PCARE: variants seen among roughly 807,000 people sequenced by gnomAD.
The protein encoded by PCARE is photoreceptor cilium actin regulator, also known as uncharacterized protein C2orf71.
Under a neutral mutation model 82.2 loss-of-function variants are expected in PCARE, and 72 were observed. The ratio of observed to expected loss-of-function variants is 0.88; its 90% CI spans 0.72 to 1.07. PCARE has a LOEUF of 1.07. Among genes scored for constraint, PCARE ranks in the 50% least tolerant of loss-of-function variants. PCARE has a pLI of 0.00. For synonymous variants in PCARE, 705 were observed against 634.8 expected (o/e 1.11, Z -1.66); for missense variants, 1,768 against 1,592.4 (o/e 1.11, Z -1.88).
chr2:29,063,484 G>A lies in PCARE; in HGVS notation c.*1385C>T, dbSNP rs1357470212. Reference sequence around the variant, plus strand: ...AGAGTCATAGCCTCTCTCTGGGGGAGGTTGCTATAGTCCCTAGGGACCCAG... The same window carrying A: ...AGAGTCATAGCCTCTCTCTGGGGGAAGTTGCTATAGTCCCTAGGGACCCAG... On this transcript the variant is annotated 3_prime_UTR_variant, in exon 2 of 2. Coordinates refer to ENST00000331664, the MANE Select transcript of PCARE (RefSeq NM_001029883.3). 6.6e-6 allele frequency: 1 copy of A among 152,646 alleles called. No individual in the cohort carries two copies. The highest frequency in any genetic ancestry group is 1.5e-5 in the Non-Finnish European group (1 of 68,046). The allele number at this position is 152,646 out of a possible 1,614,324, so 9.5% of individuals were successfully genotyped here.
In PCARE at chr2:29,072,071, C is replaced by A. The variant is rs201790782; in HGVS notation, c.2191G>T (p.Val731Phe). Reference sequence around the variant, plus strand: ...CTGAAAGTTTCAATAAGCTTCTTGACGGATGTTCTGGTGGGACAGCCTCTG... The same window carrying A: ...CTGAAAGTTTCAATAAGCTTCTTGAAGGATGTTCTGGTGGGACAGCCTCTG... ...NVRGCPTRTS[V>F]KKLIETFSPT... The change falls in exon 1 of 2, where the codon GTC (valine) becomes TTC (phenylalanine). Residue 731 changes from valine (V) to phenylalanine (F), a missense_variant. Transcript: ENST00000331664. The A allele has an allele frequency of 2.5e-6, 4 of 1,614,100 alleles. No homozygotes were observed. Among genetic ancestry groups the A allele is most frequent in the Non-Finnish European group, 3.4e-6 (4 of 1,180,054 alleles).
At chr2:29,070,561 G>A (rs578213631) in intron 1 of PCARE, 33 bp downstream of exon 1, 21 of 1,613,346 alleles carry the variant, frequency 1.3e-5, no homozygotes, top group East Asian at 1.1e-4. Flanking sequence ...AGTCCAAGCC[G>A]CTGAAGGGCA....
rs751489826 is a variant in PCARE, at chr2:29,072,586, C to T, written c.1676G>A (p.Cys559Tyr). 1 of 1,614,144 alleles carries T rather than the reference C, an allele frequency of 6.2e-7. No homozygotes were observed. Among genetic ancestry groups the T allele is most frequent in the Non-Finnish European group, 8.5e-7 (1 of 1,180,006 alleles). The change falls in exon 1 of 2, where the codon TGT (cysteine) becomes TAT (tyrosine). Residue 559 changes from cysteine (C) to tyrosine (Y), a missense_variant. By Grantham distance (194) the Cys-to-Tyr change is radical (BLOSUM62 -2). Transcript: ENST00000331664. ...CTCCTCAGACCAGTCCTGGTGCCCA[C>T]AGGGCACAGGGACAAACTTGATCCT... ...SERIKFVPVPCGHQDWSEEEE... is the reference protein window; with the variant it reads ...SERIKFVPVPYGHQDWSEEEE...
Position 29,064,190 on chromosome 2 carries a change from C to G in PCARE, c.*679G>C, listed in dbSNP as rs180918939. On this transcript the variant is annotated 3_prime_UTR_variant, in exon 2 of 2. Transcript: ENST00000331664. Reference sequence around the variant, plus strand: ...CACTCAGCCTTCTCATTTTGGGAGCCATGCACTTCTAAACAAAGCTCTCAA... The same window carrying G: ...CACTCAGCCTTCTCATTTTGGGAGCGATGCACTTCTAAACAAAGCTCTCAA... 1.8e-4 allele frequency: 27 copies of G among 153,264 alleles called. No individual in the cohort carries two copies. The highest frequency in any genetic ancestry group is 1.5e-3 in the Admixed American group (23 of 15,340). The allele number at this position is 153,264 out of a possible 1,614,324, so 9.5% of individuals were successfully genotyped here. A position where few individuals can be genotyped will look rare whatever the true frequency, so the allele number is the denominator to read the frequency against.
intron 1 of PCARE, among the ~76,000 whole-genome samples, chr2:29,069,728 A>G (rs1667441403): frequency 6.6e-6 from 1 of 152,218 alleles, no homozygotes; most frequent in Admixed American, 6.5e-5. Context: ...CACACTTTTT[A>G]TAAGAGTATA....
In PCARE at chr2:29,072,462, G is replaced by T; in HGVS notation, c.1800C>A (p.Leu600=). 1 of 1,614,164 alleles carries T rather than the reference G, an allele frequency of 6.2e-7. No individual in the cohort carries two copies. Among genetic ancestry groups the T allele is most frequent in the Non-Finnish European group, 8.5e-7 (1 of 1,180,022 alleles). The part of the protein sequence containing the change: ...RQTRSQSESC[L]QSHVEDPTFQ... ...AGGTGGGGTCCTCCACGTGACTCTG[G>T]AGACACGACTCTGACTGGGACCTCG... The change falls in exon 1 of 2, where the codon CTC becomes CTA. Residue 600 remains leucine (L), a synonymous_variant. Transcript: ENST00000331664.
In PCARE at chr2:29,062,639, A is replaced by G. The variant is rs977000804; in HGVS notation, c.*2230T>C. ...TGGCTCCCTGCTGCCGCTAGCTTGCATGGCCACAGCAGGGGGCACTCGGCC... is the reference window on the plus strand; with the variant it reads ...TGGCTCCCTGCTGCCGCTAGCTTGCGTGGCCACAGCAGGGGGCACTCGGCC... On this transcript the variant is annotated 3_prime_UTR_variant, in exon 2 of 2. Coordinates refer to ENST00000331664, the MANE Select transcript of PCARE (RefSeq NM_001029883.3). 1 of 152,264 alleles carries G rather than the reference A, an allele frequency of 6.6e-6. No homozygotes were observed. The highest frequency in any genetic ancestry group is 1.5e-5 in the Non-Finnish European group (1 of 68,100). 9.4% of individuals were successfully genotyped at this position (152,264 alleles called of 1,614,324 possible).
Position 29,073,628 on chromosome 2 carries a change from G to A in PCARE, c.634C>T (p.Arg212Trp), listed in dbSNP as rs368688827. ...CTGACCATGGGCTGCAGCAGCTCCCGGGTCTGGGTGGCCTGATGGATGATG... is the reference window on the plus strand; with the variant it reads ...CTGACCATGGGCTGCAGCAGCTCCCAGGTCTGGGTGGCCTGATGGATGATG... ...LCIIHQATQT[R>W]ELLQPMVSFL... Residue 212 changes from arginine to tryptophan, a missense_variant, in exon 1 of 2, where the codon CGG becomes TGG. Transcript: ENST00000331664. The A allele has an allele frequency of 1.0e-4, 165 of 1,614,048 alleles. No homozygotes were observed. The highest frequency in any genetic ancestry group is 1.3e-4 in the Non-Finnish European group (152 of 1,180,028).
In PCARE at chr2:29,074,146, C is replaced by A. The variant is rs778412851; in HGVS notation, c.116G>T (p.Gly39Val). 13 of 1,612,704 alleles carry A rather than the reference C, an allele frequency of 8.1e-6. No homozygotes were observed. Among genetic ancestry groups the A allele is most frequent in the East Asian group, 2.2e-5 (1 of 44,852 alleles). The stretch of plus-strand genomic sequence containing the variant: ...GTTTTTAACCAGCAAAGGGATGGAA[C>A]CTCTTTCACTTCCGCCCTGACATCC... ...RPGCQGGSER[G>V]SIPLLVKNST... Residue 39 changes from glycine to valine, a missense_variant, in exon 1 of 2, where the codon GGT becomes GTT. Transcript: ENST00000331664.
In PCARE at chr2:29,073,016, C is replaced by T; in HGVS notation, c.1246G>A (p.Gly416Arg). The change falls in exon 1 of 2, where the codon GGG becomes AGG. Residue 416 changes from glycine (G) to arginine (R), a missense_variant. Physicochemically the swap from Gly to Arg is moderately radical, Grantham distance 125. Transcript: ENST00000331664. Reference sequence around the variant, plus strand: ...GGCTGAACCTTTGCCATAGGAGCCCCTGAGAGCAGGCAGTCCTGGGGTCTG... The same window carrying T: ...GGCTGAACCTTTGCCATAGGAGCCCTTGAGAGCAGGCAGTCCTGGGGTCTG... ...SGRPQDCLLSGAPMAKVQPRA... is the reference protein window; with the variant it reads ...SGRPQDCLLSRAPMAKVQPRA... 6.2e-7 allele frequency: 1 copy of T among 1,614,148 alleles called. No homozygotes were observed. The highest frequency in any genetic ancestry group is 1.3e-5 in the African/African-American group (1 of 75,036).
rs770791387 is a variant in PCARE at position 29,072,700 on chromosome 2, C to A, written c.1562G>T (p.Arg521Leu). Residue 521 changes from arginine to leucine, a missense_variant, in exon 1 of 2, where the codon CGG becomes CTG. Transcript: ENST00000331664. ...GGTGCGGGCCTGAAATGGGCTTTCC[C>A]GGTCAGCAGGTGAAGATTGTGGCCT... ...HSRPQSSPAD[R>L]ESPFQARTRR... 5.0e-6 allele frequency: 8 copies of A among 1,613,914 alleles called. No homozygotes were observed. In the African/African-American group the frequency reaches 1.1e-4, roughly 22 times the overall value.
Position 29,073,189 on chromosome 2 carries a change from G to A in PCARE, c.1073C>T (p.Ser358Phe), listed in dbSNP as rs759786654. The A allele has an allele frequency of 3.7e-6, 6 of 1,614,060 alleles. No individual in the cohort carries two copies. Among genetic ancestry groups the A allele is most frequent in the Non-Finnish European group, 3.4e-6 (4 of 1,180,042 alleles). ...GCCCAGCTTGTCCACCGACTGCACG[G>A]ACTCATTGTCAGCACCAATGCCACT... ...EDSGIGADNESVQSVDKLGKQ... is the reference protein window; with the variant it reads ...EDSGIGADNEFVQSVDKLGKQ... Residue 358 changes from serine (S) to phenylalanine (F), a missense_variant, in exon 1 of 2, where the codon TCC (serine) becomes TTC (phenylalanine). By Grantham distance (155) the Ser-to-Phe change is radical. Coordinates refer to ENST00000331664, the MANE Select transcript of PCARE (RefSeq NM_001029883.3).
In PCARE at chr2:29,072,048, G is replaced by A. The variant is rs1310816522; in HGVS notation, c.2214C>T (p.Phe738=). The change falls in exon 1 of 2, where the codon TTC becomes TTT. Residue 738 remains phenylalanine, a synonymous_variant. Transcript: ENST00000331664. ...GCATCCTCAGACTCTCCGTGGGACT[G>A]AAAGTTTCAATAAGCTTCTTGACGG... is the stretch of plus-strand genomic sequence containing the variant. ...RTSVKKLIET[F]SPTESLRMLG... is the part of the protein sequence containing the mutation. The A allele has an allele frequency of 6.2e-6, 10 of 1,614,108 alleles. No homozygotes were observed. Among genetic ancestry groups the A allele is most frequent in the Non-Finnish European group, 7.6e-6 (9 of 1,180,028 alleles).
In PCARE at chr2:29,072,277, G is replaced by A. The variant is rs1667504222; in HGVS notation, c.1985C>T (p.Thr662Ile). 1.2e-6 allele frequency: 2 copies of A among 1,614,238 alleles called. No individual in the cohort carries two copies. Among genetic ancestry groups the A allele is most frequent in the Non-Finnish European group, 1.7e-6 (2 of 1,180,048 alleles). The change falls in exon 1 of 2, where the codon ACC becomes ATC. Residue 662 changes from threonine (T) to isoleucine (I), a missense_variant. Transcript: ENST00000331664. ...GAGGGATGCCTTGAGCCTGCTGGTG[G>A]TGTTGCTTGGACTGACCCTGCAGGT... Reference protein sequence around the residue: ...NGTCRVSPSNTTSRLKASLTK... With the variant: ...NGTCRVSPSNITSRLKASLTK...
Position 29,071,058 on chromosome 2 carries a change from G to T in PCARE, c.3204C>A (p.Cys1068Ter). The change falls in exon 1 of 2, where the codon TGC becomes TGA. Residue 1068 changes from cysteine (C) to a stop codon, truncating the protein, a stop_gained. Coordinates refer to ENST00000331664, the MANE Select transcript of PCARE (RefSeq NM_001029883.3). LOFTEE classifies it high-confidence loss of function. ...NPPPESAPAQ[C>*]KVPSPPTQHP... ...GCTGGGTTGGGGGGCTGGGGACCTT[G>T]CACTGAGCAGGTGCACTCTCGGGGG... The T allele has an allele frequency of 7.7e-7, 1 of 1,306,758 alleles. No homozygotes were observed. Among genetic ancestry groups the T allele is most frequent in the Non-Finnish European group, 1.0e-6 (1 of 965,306 alleles). The allele number at this position is 1,306,758 out of a possible 1,614,324, so 80.9% of individuals were successfully genotyped here.
chr2:29,073,314 A>G lies in PCARE; in HGVS notation c.948T>C (p.Asn316=), dbSNP rs574490498. ...GAGCCCTCAGGAGGCGTTCATCCAC[A>G]TTCCTTTTTGTGCTCAGCTTATTTT... ...HLENKLSTKR[N]VDERLLRALR... is the part of the protein sequence containing the mutation. The change falls in exon 1 of 2, where the codon AAT becomes AAC. Residue 316 remains asparagine (N), a synonymous_variant. Coordinates refer to ENST00000331664, the MANE Select transcript of PCARE (RefSeq NM_001029883.3). 12 of 1,613,996 alleles carry G rather than the reference A, an allele frequency of 7.4e-6. No homozygotes were observed. The highest frequency in any genetic ancestry group is 1.1e-5 in the South Asian group (1 of 91,064).
Position 29,071,303 on chromosome 2 carries a change from TTC to T in PCARE, c.2957_2958del (p.Arg986LysfsTer120), listed in dbSNP as rs745380293. ...GAGGCCTTTCTGCCCACAGGGGGGCTTCTCTCTCGGCTCTGCCTTGGTCTGGC... is the reference window on the plus strand; with the variant it reads ...GAGGCCTTTCTGCCCACAGGGGGGCTTCTCTCGGCTCTGCCTTGGTCTGGC... ...SLARPRQSRE[R>X]SPPVGRKASP... On this transcript the variant is annotated frameshift_variant, in exon 1 of 2. Coordinates refer to ENST00000331664, the MANE Select transcript of PCARE (RefSeq NM_001029883.3). LOFTEE classifies it high-confidence loss of function. The T allele has an allele frequency of 3.7e-6, 6 of 1,613,490 alleles. No individual in the cohort carries two copies. In the South Asian group the frequency reaches 6.6e-5, roughly 18 times the overall value.
chr2:29,072,032 G>A lies in PCARE; in HGVS notation c.2230C>T (p.Leu744=). The change falls in exon 1 of 2, where the codon CTG becomes TTG. Residue 744 remains leucine (L), a synonymous_variant. Transcript: ENST00000331664. ...TCCTTAGAGTCCCCCAGCATCCTCA[G>A]ACTCTCCGTGGGACTGAAAGTTTCA... ...LIETFSPTES[L]RMLGDSKDAG... The A allele has an allele frequency of 6.2e-7, 1 of 1,614,220 alleles. No homozygotes were observed. Among genetic ancestry groups the A allele is most frequent in the Non-Finnish European group, 8.5e-7 (1 of 1,180,042 alleles).
rs1667478688 is a variant in PCARE, at chr2:29,071,365, G to A, written c.2897C>T (p.Pro966Leu). Residue 966 changes from proline (P) to leucine (L), a missense_variant, in exon 1 of 2, where the codon CCA becomes CTA. Pro to Leu is a moderately conservative substitution (Grantham distance 98). Coordinates refer to ENST00000331664, the MANE Select transcript of PCARE (RefSeq NM_001029883.3). ...CTCTGAGGTCCTGTTTTGTCCAGAT[G>A]GAGGGCCGGAGTGGTGCCAGGCGAT... is the stretch of plus-strand genomic sequence containing the variant. ...KAIAWHHSGP[P>L]SGQNRTSESS... is the part of the protein sequence containing the mutation. The A allele has an allele frequency of 7.4e-6, 12 of 1,613,730 alleles. No individual in the cohort carries two copies. The highest frequency in any genetic ancestry group is 2.2e-5 in the South Asian group (2 of 91,090).
Sources: allele counts gnomAD v4.1 joint callset (sites outside exome capture counted in the v4.1 genomes callset), GRCh38; gene constraint gnomAD v4.1.1; transcripts MANE v1.5; gene names NCBI Gene and HGNC (gene_info 2026-07-23, HGNC 2026-07-21).